OSTN: variants seen among roughly 807,000 people sequenced by gnomAD.
OSTN encodes the protein osteocrin.
In OSTN, 9 loss-of-function variants were observed where a neutral mutation model predicts 12.0. That is an observed-to-expected ratio of 0.75 (90% confidence interval 0.45 to 1.30). The LOEUF (loss-of-function observed/expected upper bound fraction) is 1.30. Ranked by LOEUF, OSTN falls within the 50% of genes most tolerant of loss-of-function variation. OSTN has a pLI of 0.00. For missense variants in OSTN, 148 were observed against 152.3 expected (o/e 0.97, Z 0.15); for synonymous variants, 59 against 56.9 (o/e 1.04, Z -0.16).
chr3:191,253,186 C>A (rs1015964705), intron 4 of OSTN, among the ~76,000 whole-genome samples: 2 of 152,214 alleles, frequency 1.3e-5, no homozygotes, highest in Non-Finnish European at 2.9e-5. Context: ...TTACAAAAAT[C>A]TTTGTTTCAC....
intron 2 of OSTN, among the ~76,000 whole-genome samples, chr3:191,216,255 A>G (rs1714607975): frequency 1.3e-5 from 2 of 152,126 alleles, no homozygotes; most frequent in South Asian, 4.1e-4. Flanking sequence ...AAGACTGCAT[A>G]AAGCAGCAAG....
intron 3 of OSTN, among the ~76,000 whole-genome samples, chr3:191,245,846 G>A (rs965667880): frequency 2.6e-5 from 4 of 151,756 alleles, no homozygotes; most frequent in Admixed American, 6.6e-5. Flanking sequence ...CGGGTGGATC[G>A]CCTGAGGTCA....
intron 3 of OSTN, among the ~76,000 whole-genome samples, chr3:191,223,204 G>A (rs1336505807): frequency 1.3e-5 from 2 of 152,032 alleles, no homozygotes; most frequent in Non-Finnish European, 2.9e-5. Context: ...CAAGAAAAAA[G>A]GGGAAATTAG....
chr3:191,243,566 G>C (rs1161376144), intron 3 of OSTN, among the ~76,000 whole-genome samples: 2 of 152,082 alleles, frequency 1.3e-5, no homozygotes, highest in East Asian at 3.8e-4. Context: ...CAGCTTGATG[G>C]AGCTATGATT....
At chr3:191,259,782 G>A (rs568187976) in intron 4 of OSTN, among the ~76,000 whole-genome samples, 1 of 151,204 alleles carries the variant, frequency 6.6e-6, no homozygotes, top group East Asian at 1.9e-4. Context: ...AATGTTTTAG[G>A]TCAAATTTTT....
At chr3:191,257,376 T>C (rs1193436349) in intron 4 of OSTN, among the ~76,000 whole-genome samples, 5 of 152,074 alleles carry the variant, frequency 3.3e-5, no homozygotes, top group Admixed American at 2.6e-4. Flanking sequence ...GTAAAAAATC[T>C]AGGAAGTAGG....
At chr3:191,224,445 C>A (rs116309989) in intron 3 of OSTN, among the ~76,000 whole-genome samples, 1 of 111,126 alleles carries the variant, frequency 9.0e-6, no homozygotes, top group Non-Finnish European at 2.0e-5. Flanking sequence ...AATCCAAGAC[C>A]GATTATATAT....
chr3:191,209,524 A>G (rs966724639), intron 1 of OSTN, among the ~76,000 whole-genome samples: 5 of 152,234 alleles, frequency 3.3e-5, no homozygotes, highest in Non-Finnish European at 1.5e-5. Flanking sequence ...GCTTCTAGTA[A>G]CTAGCATTAT....
chr3:191,241,315 T>C (rs1020393168), intron 3 of OSTN, among the ~76,000 whole-genome samples: 1 of 151,802 alleles, frequency 6.6e-6, no homozygotes, highest in African/African-American at 2.4e-5. Flanking sequence ...ACCGAGTAGA[T>C]GGGAATACAG....
At chr3:191,230,066 C>CAATAAATAAATAAATA (rs71937483) in intron 3 of OSTN, among the ~76,000 whole-genome samples, 3,872 of 146,098 alleles carry the variant, frequency 0.027, 204 homozygotes, top group African/African-American at 0.095. Context: ...GACTCAGTCT[C>CAATAAATAAATAAATA]AATAAATAAA....
intron 1 of OSTN, among the ~76,000 whole-genome samples, chr3:191,200,127 A>G (rs1417335722): frequency 6.6e-6 from 1 of 152,176 alleles, no homozygotes; most frequent in Non-Finnish European, 1.5e-5. Flanking sequence ...TTTAATGCCT[A>G]TATAAGTTAT....
intron 1 of OSTN, among the ~76,000 whole-genome samples, chr3:191,204,546 T>G (rs760107978): frequency 6.6e-6 from 1 of 152,146 alleles, no homozygotes; most frequent in Non-Finnish European, 1.5e-5. Context: ...CCACACTCAG[T>G]TATCTGGTTT....
chr3:191,221,189 C>T (rs1323300941), intron 3 of OSTN, among the ~76,000 whole-genome samples: 1 of 152,178 alleles, frequency 6.6e-6, no homozygotes, highest in Non-Finnish European at 1.5e-5. Context: ...TTCCTAAGGT[C>T]TCCCCAGCCC....
At chr3:191,227,389 A>C (rs1459134200) in intron 3 of OSTN, among the ~76,000 whole-genome samples, 1 of 152,190 alleles carries the variant, frequency 6.6e-6, no homozygotes, top group Non-Finnish European at 1.5e-5. Flanking sequence ...TGCTGATTGG[A>C]GTGCAAAATG....
At chr3:191,251,291 A>G (rs1576939129) in intron 4 of OSTN, among the ~76,000 whole-genome samples, 1 of 152,340 alleles carries the variant, frequency 6.6e-6, no homozygotes, top group African/African-American at 2.4e-5. Flanking sequence ...AATCATACAT[A>G]TCCTTTAAAC....
chr3:191,246,326 C>G (rs1240602840), intron 3 of OSTN, among the ~76,000 whole-genome samples: 1 of 151,976 alleles, frequency 6.6e-6, no homozygotes, highest in Non-Finnish European at 1.5e-5. Context: ...AACTAGTAGG[C>G]CGGGTGTGGT....
At chr3:191,214,330 C>T (rs541207610) in intron 2 of OSTN, among the ~76,000 whole-genome samples, 30 of 151,042 alleles carry the variant, frequency 2.0e-4, no homozygotes, top group Admixed American at 5.3e-4. Flanking sequence ...CGCCTGTAGT[C>T]CCTGCTGCTT....
At position 191,263,925 on chromosome 3, in the gene OSTN, G is replaced by T. The variant is rs951626070; in HGVS notation, c.*1072G>T. On this transcript the variant is annotated 3_prime_UTR_variant, in exon 5 of 5. Transcript: ENST00000682035. Reference sequence around the variant, plus strand: ...TAGCTTGGACACATAGGTCCATTGTGCATTGGATATACTTTGAAAACACAC... The same window carrying T: ...TAGCTTGGACACATAGGTCCATTGTTCATTGGATATACTTTGAAAACACAC... 6.8e-6 allele frequency: 1 copy of T among 148,038 alleles called. No individual in the cohort carries two copies. The highest frequency in any genetic ancestry group is 2.5e-5 in the African/African-American group (1 of 40,588). 9.2% of individuals were successfully genotyped at this position (148,038 alleles called of 1,614,324 possible). A position where few individuals can be genotyped will look rare whatever the true frequency, so the allele number is the denominator to read the frequency against.
intron 3 of OSTN, among the ~76,000 whole-genome samples, chr3:191,240,990 TG>T (rs937279115): frequency 4.6e-5 from 7 of 152,182 alleles, no homozygotes; most frequent in Non-Finnish European, 1.0e-4. Flanking sequence ...GTAGAATTAT[TG>T]GGTTCCACCT....
Sources: gnomAD v4.1 joint callset for allele counts (sites outside exome capture counted in the v4.1 genomes callset) on GRCh38, gnomAD v4.1.1 for gene constraint, MANE v1.5 for transcripts, NCBI Gene and HGNC (gene_info 2026-07-23, HGNC 2026-07-21) for gene names.